MCU: variants seen among roughly 807,000 people sequenced by gnomAD.
MCU encodes calcium uniporter protein, mitochondrial.
Under a neutral mutation model 45.2 loss-of-function variants are expected in MCU, and 12 were observed. The observed-to-expected ratio is 0.27, with a 90% confidence interval of 0.17 to 0.43. The LOEUF (loss-of-function observed/expected upper bound fraction) is 0.43. Ranked by LOEUF, MCU falls within the 20% of genes least tolerant of loss-of-function variation. The pLI, the probability that MCU is intolerant of heterozygous loss-of-function variation, is 1.00. For synonymous variants in MCU, 160 were observed against 165.1 expected (o/e 0.97, Z 0.24); for missense variants, 324 against 436.7 (o/e 0.74, Z 2.30).
intron 1 of MCU, among the ~76,000 whole-genome samples, chr10:72,792,072 CT>C (rs1394555545): frequency 1.3e-5 from 2 of 152,168 alleles, no homozygotes; most frequent in Admixed American, 6.5e-5. Flanking sequence ...CTGGGGTTTA[CT>C]TGCCTGGAGC....
At chr10:72,754,035 A>G (rs1843539711) in intron 1 of MCU, among the ~76,000 whole-genome samples, 1 of 152,198 alleles carries the variant, frequency 6.6e-6, no homozygotes. Flanking sequence ...GTTATATGGT[A>G]AGTAGCAGAG....
chr10:72,866,069 G>A (rs537694929), intron 4 of MCU, among the ~76,000 whole-genome samples: 6 of 150,028 alleles, frequency 4.0e-5, no homozygotes, highest in East Asian at 3.9e-4. Flanking sequence ...GAGCCACCAC[G>A]CCCGGCCTTC....
intron 1 of MCU, among the ~76,000 whole-genome samples, chr10:72,748,202 C>G (rs1385344887): frequency 2.0e-5 from 3 of 152,050 alleles, no homozygotes; most frequent in Admixed American, 1.3e-4. Flanking sequence ...TGCCCGCCAC[C>G]ACGCCCAGCT....
intron 1 of MCU, among the ~76,000 whole-genome samples, chr10:72,745,953 T>C (rs982045987): frequency 2.0e-5 from 3 of 152,184 alleles, no homozygotes; most frequent in Non-Finnish European, 4.4e-5. Flanking sequence ...ACTATCCACC[T>C]CCAGAACATC....
At chr10:72,732,828 T>C (rs537132600) in intron 1 of MCU, among the ~76,000 whole-genome samples, 3 of 152,352 alleles carry the variant, frequency 2.0e-5, no homozygotes, top group African/African-American at 7.2e-5. Flanking sequence ...GTACCAACTT[T>C]TGTAGGAGCA....
chr10:72,809,080 AGT>A (rs1193578653), intron 1 of MCU, among the ~76,000 whole-genome samples: 2 of 152,198 alleles, frequency 1.3e-5, no homozygotes, highest in African/African-American at 4.8e-5. Flanking sequence ...TCTGTTGGAG[AGT>A]GACTGGTGCA....
At chr10:72,862,950 T>C (rs574697348) in intron 4 of MCU, among the ~76,000 whole-genome samples, 2 of 152,034 alleles carry the variant, frequency 1.3e-5, no homozygotes, top group South Asian at 4.2e-4. Context: ...GGGTCTAACA[T>C]AGAAAAGTTC....
chr10:72,829,166 A>G (rs986946392), intron 1 of MCU, among the ~76,000 whole-genome samples: 2 of 152,064 alleles, frequency 1.3e-5, no homozygotes, highest in Non-Finnish European at 2.9e-5. Flanking sequence ...ACTAAAAAAT[A>G]TAAAAATTAG....
chr10:72,715,898 C>G (rs1238438782), intron 1 of MCU: 1 of 985,258 alleles, frequency 1.0e-6, no homozygotes, highest in Non-Finnish European at 1.2e-6. Context: ...CTTGAACATT[C>G]GCAGGTATGT....
chr10:72,868,017 A>G (rs2132880674), intron 4 of MCU, among the ~76,000 whole-genome samples: 1 of 152,278 alleles, frequency 6.6e-6, no homozygotes, highest in Non-Finnish European at 1.5e-5. Flanking sequence ...CACCATTTTA[A>G]TAAGCATAAT....
At chr10:72,860,640 A>T in intron 4 of MCU, 113 bp downstream of exon 4, 1 of 758,980 alleles carries the variant, frequency 1.3e-6, no homozygotes, top group Non-Finnish European at 2.2e-6. Context: ...AAGAACACTG[A>T]AAGTTTTATA....
intron 1 of MCU, chr10:72,756,558 A>G (rs923541423): frequency 6.6e-6 from 1 of 152,190 alleles, no homozygotes; most frequent in Non-Finnish European, 1.5e-5. Context: ...CTGTGATAGC[A>G]TAATCATTGC....
chr10:72,835,313 A>T (rs928167862), intron 2 of MCU, among the ~76,000 whole-genome samples: 1 of 152,104 alleles, frequency 6.6e-6, no homozygotes, highest in Admixed American at 6.6e-5. Flanking sequence ...TCTTATTGTC[A>T]TTTCTCTTAC....
At chr10:72,695,403 T>A (rs1057361838) in intron 1 of MCU, among the ~76,000 whole-genome samples, 2 of 152,222 alleles carry the variant, frequency 1.3e-5, no homozygotes, top group Admixed American at 6.5e-5. Flanking sequence ...TTCCTCATAG[T>A]CTGGCCCAAT....
intron 4 of MCU, among the ~76,000 whole-genome samples, chr10:72,865,998 T>C (rs573505871): frequency 1.3e-3 from 192 of 150,376 alleles, no homozygotes; most frequent in African/African-American, 2.2e-3. Context: ...AGAATGGTCT[T>C]GATCTCCTGA....
intron 2 of MCU, among the ~76,000 whole-genome samples, chr10:72,843,827 T>C (rs915162774): frequency 9.5e-6 from 1 of 104,768 alleles, no homozygotes; most frequent in Non-Finnish European, 2.7e-5. Flanking sequence ...TCTTTTCCCC[T>C]TGTTTAAACT....
At position 72,722,316 on chromosome 10, in the gene MCU, CAAAAAA is replaced by C. The variant is rs35164146; in HGVS notation, c.150+30037_150+30042del. 3.0e-4 allele frequency among the ~76,000 whole-genome samples: 6 copies of C among 20,178 alleles called. No individual in the cohort carries two copies. The South Asian group carries it at 0.011, about 38-fold the overall frequency. The allele number at this position is 20,178 out of a possible 152,430, so 13.2% of individuals were successfully genotyped here. A position where few individuals can be genotyped will look rare whatever the true frequency, so the allele number is the denominator to read the frequency against. ...GGGCAACAAGAGTGAAACTCCATCT[CAAAAAA>C]AAAAAAAAAAAAAAAAAAAAAGGTA... On this transcript the variant is annotated intron_variant, in intron 1 of 7. Coordinates refer to ENST00000373053, the MANE Select transcript of MCU (RefSeq NM_138357.3).
At position 72,887,126 on chromosome 10, in the gene MCU, G is replaced by C. The variant is rs1845786917; in HGVS notation, c.*1304G>C. The C allele has an allele frequency of 6.6e-6, 1 of 152,406 alleles. No individual in the cohort carries two copies. Among genetic ancestry groups the C allele is most frequent in the South Asian group, 2.1e-4 (1 of 4,828 alleles). 9.4% of individuals were successfully genotyped at this position (152,406 alleles called of 1,614,324 possible). A position where few individuals can be genotyped will look rare whatever the true frequency, so the allele number is the denominator to read the frequency against. ...AGGGGCAGGATGGAAAGGATGATGG[G>C]GGCTGCCACACCACTGATTGGCCTT... On this transcript the variant is annotated 3_prime_UTR_variant, in exon 8 of 8. Coordinates refer to ENST00000373053, the MANE Select transcript of MCU (RefSeq NM_138357.3).
intron 1 of MCU, among the ~76,000 whole-genome samples, chr10:72,776,315 C>A (rs1282976244): frequency 2.0e-5 from 3 of 152,058 alleles, no homozygotes; most frequent in Non-Finnish European, 4.4e-5. Context: ...TGCAGAAATC[C>A]TCAACAAAAT....
Sources: allele counts gnomAD v4.1 joint callset (sites outside exome capture counted in the v4.1 genomes callset), GRCh38; gene constraint gnomAD v4.1.1; transcripts MANE v1.5; gene names NCBI Gene and HGNC (gene_info 2026-07-23, HGNC 2026-07-21).